SH3GL1: variants seen among roughly 807,000 people sequenced by gnomAD.
The protein encoded by SH3GL1 is endophilin-A2.
SH3GL1 carries 21 observed loss-of-function variants against 48.8 expected under a neutral mutation model. The observed-to-expected ratio is 0.43, with a 90% CI of 0.30 to 0.62. The LOEUF (loss-of-function observed/expected upper bound fraction) is 0.62. Among genes scored for constraint, SH3GL1 ranks in the 20% least tolerant of loss-of-function variants. SH3GL1 has a pLI of 0.11. For synonymous variants in SH3GL1, 282 were observed against 217.5 expected (o/e 1.30, Z -2.61); for missense variants, 454 against 503.0 (o/e 0.90, Z 0.93).
chr19:4,365,672 C>A, intron 3 of SH3GL1, 47 bp from the exon 4 acceptor site: 3 of 1,610,014 alleles, frequency 1.9e-6, no homozygotes, highest in Non-Finnish European at 2.5e-6. Flanking sequence ...GCCTGCACTC[C>A]TCTGCCCTGG....
intron 1 of SH3GL1, among the ~76,000 whole-genome samples, chr19:4,396,226 G>A (rs185988995): frequency 6.4e-4 from 98 of 152,020 alleles, no homozygotes; most frequent in African/African-American, 2.1e-3. Flanking sequence ...GTGAAACCCC[G>A]TCTCTACTAA....
intron 1 of SH3GL1, among the ~76,000 whole-genome samples, chr19:4,372,157 T>C (rs1395457600): frequency 1.3e-5 from 2 of 152,042 alleles, no homozygotes; most frequent in Non-Finnish European, 2.9e-5. Context: ...GGACAAAGCA[T>C]GGGTTGGGGA....
Position 4,388,537 on chromosome 19 carries a change from T to G in SH3GL1, c.45+11787A>C, listed in dbSNP as rs536861100. Among the ~76,000 whole-genome samples the G allele has an allele frequency of 1.4e-4, 21 of 152,310 alleles. No homozygotes were observed. The East Asian group carries it at 4.1e-3, about 29-fold the overall frequency. On this transcript the variant is annotated intron_variant, in intron 1 of 9. Coordinates refer to ENST00000269886, the MANE Select transcript of SH3GL1 (RefSeq NM_003025.4). ...ATCAGAGAGAAGTCACTGCAGCAAC[T>G]GGGCACAGAGGCCAGGGAGAGAGCT...
chr19:4,400,432 GA>G lies in SH3GL1; in HGVS notation c.-65del. 1.4e-5 allele frequency: 21 copies of G among 1,457,068 alleles called. No individual in the cohort carries two copies. Among genetic ancestry groups the G allele is most frequent in the Non-Finnish European group, 1.9e-5 (21 of 1,105,818 alleles). The allele number at this position is 1,457,068 out of a possible 1,614,324, so 90.3% of individuals were successfully genotyped here. A position where few individuals can be genotyped will look rare whatever the true frequency, so the allele number is the denominator to read the frequency against. On this transcript the variant is annotated 5_prime_UTR_variant, in exon 1 of 10. Transcript: ENST00000269886. This position sits in a 1 kb window ranked among gnomAD's most constrained non-coding sequence, Gnocchi z 4.1. ...CAGCGACAGGCTCCCGGGCGCCGCC[GA>G]CCCTCTGCGCGCCTCAGCAGTCCCC...
intron 1 of SH3GL1, among the ~76,000 whole-genome samples, chr19:4,383,893 TAGG>T (rs985439865): frequency 1.3e-5 from 2 of 152,166 alleles, no homozygotes; most frequent in African/African-American, 4.8e-5. Flanking sequence ...CGTTGAGAGC[TAGG>T]AGAAGGCAGT....
intron 1 of SH3GL1, among the ~76,000 whole-genome samples, chr19:4,391,754 T>A (rs1973341011): frequency 6.6e-6 from 1 of 152,164 alleles, no homozygotes. Flanking sequence ...AACTTCTGTG[T>A]CTGCACAGCC....
chr19:4,380,975 T>C (rs1039335477), intron 1 of SH3GL1, among the ~76,000 whole-genome samples: 1 of 152,126 alleles, frequency 6.6e-6, no homozygotes, highest in African/African-American at 2.4e-5. Flanking sequence ...TATTTCCTTG[T>C]TGATTTCAGG....
intron 1 of SH3GL1, among the ~76,000 whole-genome samples, chr19:4,391,633 A>T (rs1599620780): frequency 6.6e-6 from 1 of 152,336 alleles, no homozygotes; most frequent in East Asian, 1.9e-4. Flanking sequence ...CCCAGTGACC[A>T]CCAACAGCCA....
chr19:4,381,467 T>TCC (rs1215318953), intron 1 of SH3GL1, among the ~76,000 whole-genome samples: 1 of 96,112 alleles, frequency 1.0e-5, no homozygotes, highest in Non-Finnish European at 2.0e-5. Flanking sequence ...GTCTCCCATC[T>TCC]CTCTGTCCCC....
intron 4 of SH3GL1, 97 bp from the exon 5 acceptor site, chr19:4,364,318 C>G: frequency 2.7e-6 from 4 of 1,499,604 alleles, no homozygotes; most frequent in Non-Finnish European, 3.7e-6. Flanking sequence ...GTTTCACAGG[C>G]TGGAACGCAG....
chr19:4,384,431 C>A (rs747694447), intron 1 of SH3GL1, among the ~76,000 whole-genome samples: 1 of 152,198 alleles, frequency 6.6e-6, no homozygotes, highest in Non-Finnish European at 1.5e-5. Context: ...TTCGGTCATG[C>A]AAATTGAACA....
chr19:4,398,275 A>T lies in SH3GL1; in HGVS notation c.45+2049T>A, dbSNP rs149825787. ...CCCTGTTTGCCACCTTGGCCCAAGC[A>T]TTTGCTAAGATCATTGCTCATTCCT... On this transcript the variant is annotated intron_variant, in intron 1 of 9. Coordinates refer to ENST00000269886, the MANE Select transcript of SH3GL1 (RefSeq NM_003025.4). 7.1e-3 allele frequency among the ~76,000 whole-genome samples: 1,085 copies of T among 152,076 alleles called. 6 individuals carry two copies. Among genetic ancestry groups the T allele is most frequent in the Middle Eastern group, 0.017 (5 of 292 alleles).
chr19:4,392,518 TCACACACACACACACACACACACA>T lies in SH3GL1; in HGVS notation c.45+7782_45+7805del, dbSNP rs60108906. 1.5e-4 allele frequency among the ~76,000 whole-genome samples: 20 copies of T among 137,862 alleles called. 1 individual carries two copies. Among genetic ancestry groups the T allele is most frequent in the Admixed American group, 7.5e-4 (10 of 13,280 alleles). 90.4% of individuals were successfully genotyped at this position (137,862 alleles called of 152,430 possible). A position where few individuals can be genotyped will look rare whatever the true frequency, so the allele number is the denominator to read the frequency against. ...CAGCCTGGGACAGAGCAAGACTCCG[TCACACACACACACACACACACACA>T]CACACACACACACACACACACACAC... On this transcript the variant is annotated intron_variant, in intron 1 of 9. Coordinates refer to ENST00000269886, the MANE Select transcript of SH3GL1 (RefSeq NM_003025.4).
At chr19:4,383,399 A>T (rs553197221) in intron 1 of SH3GL1, among the ~76,000 whole-genome samples, 19 of 148,566 alleles carry the variant, frequency 1.3e-4, no homozygotes, top group South Asian at 4.3e-4. Context: ...TTTATTTTTT[A>T]TTTTTTGGTA....
intron 9 of SH3GL1, 75 bp downstream of exon 9, chr19:4,362,254 G>A (rs1417338535): frequency 3.5e-6 from 5 of 1,419,560 alleles, no homozygotes; most frequent in Non-Finnish European, 4.9e-6. Flanking sequence ...CAGAGAACAG[G>A]GCGGGAGGAG....
At chr19:4,397,960 C>T (rs905726619) in intron 1 of SH3GL1, among the ~76,000 whole-genome samples, 4 of 152,200 alleles carry the variant, frequency 2.6e-5, no homozygotes, top group African/African-American at 9.6e-5. Flanking sequence ...GGTCCTCCTG[C>T]CTCAGCCTCC....
intron 1 of SH3GL1, among the ~76,000 whole-genome samples, chr19:4,374,074 C>A (rs1398336323): frequency 6.6e-6 from 1 of 152,166 alleles, no homozygotes; most frequent in Admixed American, 6.5e-5. Context: ...CGGCAGCGAG[C>A]CGATGTCATT....
chr19:4,381,841 C>G (rs1275786484), intron 1 of SH3GL1, among the ~76,000 whole-genome samples: 1 of 151,134 alleles, frequency 6.6e-6, no homozygotes, highest in Non-Finnish European at 1.5e-5. Context: ...TACAGGCACC[C>G]GCCGCCACGC....
At chr19:4,375,970 CT>C (rs919388326) in intron 1 of SH3GL1, among the ~76,000 whole-genome samples, 2 of 152,160 alleles carry the variant, frequency 1.3e-5, no homozygotes, top group Non-Finnish European at 2.9e-5. Context: ...AAAAAACGAT[CT>C]TTTCTCAACA....
Sources: allele counts gnomAD v4.1 joint callset (sites outside exome capture counted in the v4.1 genomes callset), GRCh38; gene constraint gnomAD v4.1.1; non-coding constraint Gnocchi (gnomAD v3.1); transcripts MANE v1.5; gene names NCBI Gene and HGNC (gene_info 2026-07-23, HGNC 2026-07-21).